The following CNTNAP4 variants were observed in gnomAD, a reference collection of about 807,000 sequenced individuals.
The protein encoded by CNTNAP4 is contactin-associated protein-like 4.
In CNTNAP4, 98 loss-of-function variants were observed where a neutral mutation model predicts 148.4. That is an observed-to-expected ratio of 0.66 (90% CI 0.56 to 0.78). CNTNAP4 has a LOEUF of 0.78. Ranked by LOEUF, CNTNAP4 falls within the 30% of genes least tolerant of loss-of-function variation. The pLI, the probability that CNTNAP4 is intolerant of heterozygous loss-of-function variation, is 0.00. For missense variants in CNTNAP4, 1,935 were observed against 1,565.6 expected, an observed-to-expected ratio of 1.24 and a Z score of -3.98; for synonymous variants, 730 against 565.1, an observed-to-expected ratio of 1.29 and a Z score of -4.14.
At chr16:76,455,525 T>A (rs761472056) in intron 8 of CNTNAP4, among the ~76,000 whole-genome samples, 3 of 152,330 alleles carry the variant, frequency 2.0e-5, no homozygotes, top group South Asian at 4.1e-4. Flanking sequence ...TTCCTAACTT[T>A]CGGGCTGTAA....
At chr16:76,545,862 C>T (rs1456746429) in intron 21 of CNTNAP4, among the ~76,000 whole-genome samples, 1 of 151,846 alleles carries the variant, frequency 6.6e-6, no homozygotes, top group Non-Finnish European at 1.5e-5. Context: ...ACGGTGAAGC[C>T]CCATCTCTAC....
At chr16:76,334,626 A>G (rs1459253408) in intron 2 of CNTNAP4, among the ~76,000 whole-genome samples, 1 of 152,178 alleles carries the variant, frequency 6.6e-6, no homozygotes, top group Non-Finnish European at 1.5e-5. Flanking sequence ...ACATATGTAC[A>G]AAGTTGTATT....
At chr16:76,398,096 C>A (rs2078277022) in intron 3 of CNTNAP4, among the ~76,000 whole-genome samples, 1 of 148,542 alleles carries the variant, frequency 6.7e-6, no homozygotes, top group Non-Finnish European at 1.5e-5. Context: ...AGCTGAAGAA[C>A]CTGGAGTCCA....
At chr16:76,478,852 C>T (rs1470446233) in intron 11 of CNTNAP4, among the ~76,000 whole-genome samples, 2 of 151,996 alleles carry the variant, frequency 1.3e-5, no homozygotes, top group African/African-American at 2.4e-5. Flanking sequence ...TTGTAAATTA[C>T]TTAAAATTAT....
chr16:76,289,331 A>T (rs1298727020), intron 1 of CNTNAP4, among the ~76,000 whole-genome samples: 1 of 152,158 alleles, frequency 6.6e-6, no homozygotes, highest in African/African-American at 2.4e-5. Context: ...TTTGGACTTC[A>T]AGTCTTTTGT....
At chr16:76,349,529 A>T (rs1176063249) in intron 2 of CNTNAP4, among the ~76,000 whole-genome samples, 1 of 152,216 alleles carries the variant, frequency 6.6e-6, no homozygotes, top group Non-Finnish European at 1.5e-5. Flanking sequence ...TAAGGGAGCC[A>T]AACAAATATT....
chr16:76,498,559 T>G lies in CNTNAP4; in HGVS notation c.2238-8T>G. On this transcript the variant is annotated splice_region_variant and splice_polypyrimidine_tract_variant and intron_variant, in intron 14 of 23. Coordinates refer to ENST00000611870, the MANE Select transcript of CNTNAP4 (RefSeq NM_033401.5). ...CTTAAGAATTTTGTTGTTGCTATTG[T>G]TTTTTAGGACCAATGACACTGGATT... is the stretch of plus-strand genomic sequence containing the variant. The G allele has an allele frequency of 6.2e-7, 1 of 1,600,644 alleles. No individual in the cohort carries two copies. The highest frequency in any genetic ancestry group is 1.1e-5 in the South Asian group (1 of 87,614).
chr16:76,460,773 A>ATAAATAT lies in CNTNAP4; in HGVS notation c.1334-1183_1334-1182insTAAATAT, dbSNP rs1555564517. ...TGTCTCAAAAAAAAAAAAAAAAAAA[A>ATAAATAT]ATATATATATATATATATATATTTA... On this transcript the variant is annotated intron_variant, in intron 8 of 23. Coordinates refer to ENST00000611870, the MANE Select transcript of CNTNAP4 (RefSeq NM_033401.5). Among the ~76,000 whole-genome samples the ATAAATAT allele has an allele frequency of 1.0e-3, 58 of 57,328 alleles. 5 individuals are homozygous for ATAAATAT. Among genetic ancestry groups the ATAAATAT allele is most frequent in the African/African-American group, 3.5e-3 (55 of 15,556 alleles). The allele number at this position is 57,328 out of a possible 152,430, so 37.6% of individuals were successfully genotyped here.
intron 10 of CNTNAP4, among the ~76,000 whole-genome samples, chr16:76,471,243 C>T (rs752618680): frequency 8.5e-5 from 13 of 152,156 alleles, no homozygotes; most frequent in Admixed American, 4.6e-4. Context: ...AAGGCAGCTG[C>T]TATCCAAGTC....
chr16:76,334,746 T>C (rs1173178870), intron 2 of CNTNAP4, among the ~76,000 whole-genome samples: 1 of 152,140 alleles, frequency 6.6e-6, no homozygotes, highest in Non-Finnish European at 1.5e-5. Context: ...CCATGTATTT[T>C]TTAGTGGCTT....
rs536046377 is a variant in CNTNAP4 at position 76,452,653 on chromosome 16, T to G, written c.1217T>G (p.Leu406Arg). 15 of 1,613,980 alleles carry G rather than the reference T, an allele frequency of 9.3e-6. No homozygotes were observed. In the South Asian group the frequency reaches 1.3e-4, roughly 14 times the overall value. ...TTTCGAACTTGGAATAAGGCAGGGC[T>G]TCTGCTGTTCAGTGAACTTCAGCTG... The part of the protein sequence containing the change: ...FQFRTWNKAG[L>R]LLFSELQLIS... Residue 406 changes from leucine to arginine, a missense_variant, in exon 8 of 24, where the codon CTT becomes CGT. Physicochemically the swap from Leu to Arg is moderately radical, Grantham distance 102. Transcript: ENST00000611870.
chr16:76,476,185 C>A (rs938463704), intron 11 of CNTNAP4, 140 bp downstream of exon 11: 4 of 569,416 alleles, frequency 7.0e-6, no homozygotes, highest in Non-Finnish European at 9.3e-6. Flanking sequence ...TTCATAAAGT[C>A]GTCAAGATAG....
intron 8 of CNTNAP4, among the ~76,000 whole-genome samples, chr16:76,460,027 A>G (rs1018584027): frequency 2.0e-5 from 3 of 152,240 alleles, no homozygotes; most frequent in Non-Finnish European, 4.4e-5. Flanking sequence ...CTTGGAAAAT[A>G]TGTAAGTAAA....
At chr16:76,313,167 C>A (rs768209920) in intron 1 of CNTNAP4, among the ~76,000 whole-genome samples, 1 of 152,208 alleles carries the variant, frequency 6.6e-6, no homozygotes, top group Admixed American at 6.5e-5. Flanking sequence ...AGAGGTAGAA[C>A]AATATTGATT....
intron 15 of CNTNAP4, among the ~76,000 whole-genome samples, chr16:76,510,535 A>G (rs961308127): frequency 6.6e-6 from 1 of 151,852 alleles, no homozygotes; most frequent in Non-Finnish European, 1.5e-5. Flanking sequence ...ATTTCCCTAC[A>G]TTTAACCTCT....
intron 2 of CNTNAP4, among the ~76,000 whole-genome samples, chr16:76,340,167 T>C (rs1459923508): frequency 6.6e-6 from 1 of 152,086 alleles, no homozygotes. Flanking sequence ...CCAAAACAAC[T>C]CTGGAAACAA....
chr16:76,551,187 G>A (rs971027831), intron 21 of CNTNAP4, among the ~76,000 whole-genome samples: 1 of 152,054 alleles, frequency 6.6e-6, no homozygotes, highest in East Asian at 1.9e-4. Flanking sequence ...AAAGTGGGTG[G>A]ATCACTTGAG....
intron 3 of CNTNAP4, among the ~76,000 whole-genome samples, chr16:76,398,813 T>C (rs553227623): frequency 2.0e-5 from 3 of 152,270 alleles, no homozygotes; most frequent in East Asian, 1.9e-4. Context: ...TATATTTGTA[T>C]ATATACATAG....
intron 4 of CNTNAP4, among the ~76,000 whole-genome samples, chr16:76,436,244 C>T (rs896532703): frequency 7.9e-5 from 12 of 152,010 alleles, no homozygotes; most frequent in African/African-American, 1.4e-4. Flanking sequence ...GGGATGATGC[C>T]GCTACTGGGG....
Sources: gnomAD v4.1 joint callset for allele counts (sites outside exome capture counted in the v4.1 genomes callset) on GRCh38, gnomAD v4.1.1 for gene constraint, MANE v1.5 for transcripts, NCBI Gene and HGNC (gene_info 2026-07-23, HGNC 2026-07-21) for gene names.